The following LRRC7 variants were observed in gnomAD, a reference collection of about 807,000 sequenced individuals.
The protein encoded by LRRC7 is leucine rich repeat containing 7, also known as leucine-rich repeat-containing protein 7.
LRRC7 carries 23 observed loss-of-function variants against 175.7 expected under a neutral mutation model. The ratio of observed to expected loss-of-function variants is 0.13; its 90% CI spans 0.09 to 0.19. The LOEUF is 0.19. Ranked by LOEUF, LRRC7 falls within the 10% of genes least tolerant of loss-of-function variation. The pLI is 1.00. For missense variants in LRRC7, 1,354 were observed against 1,904.7 expected, an observed-to-expected ratio of 0.71 and a Z score of 5.38; for synonymous variants, 685 against 680.9, an observed-to-expected ratio of 1.01 and a Z score of -0.09.
chr1:69,770,766 G>A (rs1672150881), intron 3 of LRRC7, among the ~76,000 whole-genome samples: 1 of 152,106 alleles, frequency 6.6e-6, no homozygotes, highest in African/African-American at 2.4e-5. Flanking sequence ...GGAATGTTCT[G>A]TAGCCTTGGC....
intron 1 of LRRC7, among the ~76,000 whole-genome samples, chr1:69,616,001 TTACTC>T (rs1649547920): frequency 6.6e-6 from 1 of 151,972 alleles, no homozygotes; most frequent in South Asian, 2.1e-4. Flanking sequence ...TTCTATTAAT[TTACTC>T]TAATGAAAAA....
intron 25 of LRRC7, among the ~76,000 whole-genome samples, chr1:70,106,401 T>G (rs1379241148): frequency 6.6e-6 from 1 of 152,232 alleles, no homozygotes; most frequent in Non-Finnish European, 1.5e-5. Context: ...TTTGGCCTTT[T>G]GTGACTTGTT....
intron 7 of LRRC7, among the ~76,000 whole-genome samples, chr1:69,849,711 A>G (rs1387594121): frequency 6.6e-6 from 1 of 152,050 alleles, no homozygotes; most frequent in Admixed American, 6.6e-5. Context: ...CAGGCTCTTC[A>G]CAATCTGACC....
chr1:69,778,356 A>G (rs909051517), intron 3 of LRRC7, among the ~76,000 whole-genome samples: 5 of 152,204 alleles, frequency 3.3e-5, no homozygotes, highest in African/African-American at 9.6e-5. Flanking sequence ...CCCTACCAGA[A>G]TACTAAACTA....
chr1:70,121,677 C>T (rs641909), intron 26 of LRRC7, 103 bp from the exon 27 acceptor site: 509,541 of 702,060 alleles, frequency 0.73, 185,917 homozygotes, highest in African/African-American at 0.83. Context: ...TAAAAACTGA[C>T]AACTTTTTGT....
intron 7 of LRRC7, among the ~76,000 whole-genome samples, chr1:69,917,254 T>G (rs1251584412): frequency 6.6e-6 from 1 of 152,146 alleles, no homozygotes; most frequent in Non-Finnish European, 1.5e-5. Context: ...TGTGATCAAG[T>G]CCTAATATTT....
At chr1:69,996,174 A>G (rs1654943668) in intron 11 of LRRC7, among the ~76,000 whole-genome samples, 2 of 151,098 alleles carry the variant, frequency 1.3e-5, no homozygotes. Context: ...GCATTTTTTC[A>G]TGTGTTTTTT....
At chr1:69,776,704 G>C (rs1672847566) in intron 3 of LRRC7, among the ~76,000 whole-genome samples, 2 of 151,610 alleles carry the variant, frequency 1.3e-5, no homozygotes, top group Non-Finnish European at 2.9e-5. Context: ...TTTTCATTTT[G>C]GGGTGTGTGT....
At chr1:70,074,889 T>G (rs1468876431) in intron 23 of LRRC7, among the ~76,000 whole-genome samples, 2 of 152,204 alleles carry the variant, frequency 1.3e-5, no homozygotes, top group Non-Finnish European at 2.9e-5. Context: ...ATTTAATCTC[T>G]TCCATGAATA....
chr1:69,789,791 T>A (rs1306314027), intron 3 of LRRC7, among the ~76,000 whole-genome samples: 1 of 152,076 alleles, frequency 6.6e-6, no homozygotes, highest in Non-Finnish European at 1.5e-5. Context: ...CCAACATGGA[T>A]CAGCCATGAT....
chr1:69,678,070 T>C (rs1660018545), intron 1 of LRRC7, among the ~76,000 whole-genome samples: 1 of 152,102 alleles, frequency 6.6e-6, no homozygotes, highest in South Asian at 2.1e-4. Flanking sequence ...CAAATCACAC[T>C]GGGGGCTGGT....
At chr1:69,678,506 G>C in intron 2 of LRRC7, 28 bp downstream of exon 2, 1 of 1,525,324 alleles carries the variant, frequency 6.6e-7, no homozygotes, top group Non-Finnish European at 9.0e-7. Context: ...GATTACCTGT[G>C]TTCTAGATAG....
intron 11 of LRRC7, among the ~76,000 whole-genome samples, chr1:70,007,993 T>C (rs1656139352): frequency 6.6e-6 from 1 of 152,124 alleles, no homozygotes. Context: ...TAGTCAGGGT[T>C]CTCTTAGGGG....
intron 3 of LRRC7, among the ~76,000 whole-genome samples, chr1:69,783,538 C>T (rs1029757076): frequency 6.6e-6 from 1 of 152,036 alleles, no homozygotes; most frequent in African/African-American, 2.4e-5. Flanking sequence ...AGGCAGATCA[C>T]CTGAGGTCAG....
chr1:69,844,054 C>G (rs539611119), intron 7 of LRRC7, among the ~76,000 whole-genome samples: 1 of 152,152 alleles, frequency 6.6e-6, no homozygotes, highest in Admixed American at 6.6e-5. Context: ...GATGGGACAC[C>G]AGATTAGCGG....
chr1:69,610,547 C>A (rs1347391820), intron 1 of LRRC7, among the ~76,000 whole-genome samples: 1 of 151,598 alleles, frequency 6.6e-6, no homozygotes. Context: ...TGCTTATTGG[C>A]CTTTATAGTG....
intron 7 of LRRC7, among the ~76,000 whole-genome samples, chr1:69,911,496 A>G (rs1171108717): frequency 1.3e-5 from 2 of 152,120 alleles, no homozygotes; most frequent in Non-Finnish European, 2.9e-5. Flanking sequence ...AGCCATTCTG[A>G]CTGGTGTGAG....
At chr1:70,093,991 CA>C (rs1367955206) in intron 25 of LRRC7, among the ~76,000 whole-genome samples, 2 of 152,132 alleles carry the variant, frequency 1.3e-5, no homozygotes, top group Non-Finnish European at 2.9e-5. Context: ...GATGCATTCA[CA>C]AAACTCATCA....
intron 11 of LRRC7, among the ~76,000 whole-genome samples, chr1:70,004,516 C>T (rs1353534182): frequency 6.6e-6 from 1 of 152,090 alleles, no homozygotes; most frequent in Non-Finnish European, 1.5e-5. Context: ...CCTTATGACA[C>T]GTGGTTAAGT....
Sources: allele counts gnomAD v4.1 joint callset (sites outside exome capture counted in the v4.1 genomes callset), GRCh38; gene constraint gnomAD v4.1.1; transcripts MANE v1.5; gene names NCBI Gene and HGNC (gene_info 2026-07-23, HGNC 2026-07-21).